The following MACIR variants were observed in gnomAD, a reference collection of about 807,000 sequenced individuals.
MACIR encodes UNC119-binding protein C5orf30.
Under a neutral mutation model 14.3 loss-of-function variants are expected in MACIR, and 4 were observed. The observed-to-expected ratio is 0.28, with a 90% CI of 0.14 to 0.64. The LOEUF (loss-of-function observed/expected upper bound fraction) is 0.64. MACIR is among the 30% of genes least tolerant of loss of function. MACIR has a pLI of 0.83. For synonymous variants in MACIR, 101 were observed against 102.4 expected, an observed-to-expected ratio of 0.99 and a Z score of 0.08; for missense variants, 228 against 257.6, an observed-to-expected ratio of 0.89 and a Z score of 0.79.
chr5:103,265,657 G>C (rs568999), intron 1 of MACIR, among the ~76,000 whole-genome samples: 44,811 of 151,952 alleles, frequency 0.29, 6,604 homozygotes, highest in Non-Finnish European at 0.32. Context: ...GCCCAGTTAG[G>C]TACTCCTAGT....
chr5:103,259,937 G>T (rs1554236064), intron 1 of MACIR: 1 of 152,342 alleles, frequency 6.6e-6, no homozygotes, highest in Non-Finnish European at 1.5e-5. Context: ...AGGGAATGAT[G>T]GCCCCGTCCT....
At chr5:103,266,864 A>AAAT (rs1554236768) in intron 2 of MACIR, among the ~76,000 whole-genome samples, 12 of 152,196 alleles carry the variant, frequency 7.9e-5, no homozygotes, top group Non-Finnish European at 1.5e-4. Context: ...TAATCTCATT[A>AAAT]AGTAGATAAA....
rs782593060 is a variant in MACIR at position 103,276,194 on chromosome 5, G to T, written c.275G>T (p.Arg92Leu). Residue 92 changes from arginine to leucine, a missense_variant, in exon 3 of 3, where the codon CGC becomes CTC. Transcript: ENST00000319933. Reference protein sequence around the residue: ...ESKAEAMPSLRSKQLDAGLAR... With the variant: ...ESKAEAMPSLLSKQLDAGLAR... ...AAAGCAGAAGCCATGCCATCCTTACGCTCCAAACAGCTAGATGCAGGACTT... is the reference window on the plus strand; with the variant it reads ...AAAGCAGAAGCCATGCCATCCTTACTCTCCAAACAGCTAGATGCAGGACTT... The T allele has an allele frequency of 1.5e-4, 234 of 1,613,482 alleles. No individual in the cohort carries two copies. The highest frequency in any genetic ancestry group is 1.9e-4 in the Non-Finnish European group (224 of 1,179,924).
chr5:103,271,159 TA>T (rs1360847210), intron 2 of MACIR, among the ~76,000 whole-genome samples: 1 of 152,146 alleles, frequency 6.6e-6, no homozygotes, highest in Non-Finnish European at 1.5e-5. Context: ...ATGAAGCAAT[TA>T]ATTTTTTGAG....
chr5:103,274,708 T>G (rs951338745), intron 2 of MACIR, among the ~76,000 whole-genome samples: 1 of 152,022 alleles, frequency 6.6e-6, no homozygotes. Context: ...ATACCCAAAC[T>G]TTAAGAAATA....
upstream of MACIR, among the ~76,000 whole-genome samples, chr5:103,258,464 G>A (rs1017853131): frequency 1.2e-4 from 19 of 152,196 alleles, no homozygotes; most frequent in Admixed American, 6.5e-4. Flanking sequence ...TTTAGTTGGA[G>A]TGCTGGGTTT....
chr5:103,259,517 C>G (rs1348955336), intron 1 of MACIR: 2 of 152,206 alleles, frequency 1.3e-5, no homozygotes, highest in Non-Finnish European at 2.9e-5. Context: ...TGGCTGCGTG[C>G]CCGGCCGCGC....
chr5:103,259,050 T>C (rs1414930602), intron 1 of MACIR, 154 bp downstream of exon 1: 2 of 152,280 alleles, frequency 1.3e-5, no homozygotes, highest in Non-Finnish European at 2.9e-5. Context: ...CCGCCTCGTG[T>C]CTGGGCCGGG....
In MACIR at chr5:103,276,719, G is replaced by A. The variant is rs79245829; in HGVS notation, c.*179G>A. On this transcript the variant is annotated 3_prime_UTR_variant, in exon 3 of 3. Coordinates refer to ENST00000319933, the MANE Select transcript of MACIR (RefSeq NM_033211.4). Reference sequence around the variant, plus strand: ...ACAGGAATGAAATCACAGGTACTTGGGGGGGGGATATCATTCTAGAGCACG... The same window carrying A: ...ACAGGAATGAAATCACAGGTACTTGAGGGGGGGATATCATTCTAGAGCACG... 5.9e-6 allele frequency: 3 copies of A among 506,480 alleles called. No homozygotes were observed. Among genetic ancestry groups the A allele is most frequent in the South Asian group, 4.7e-5 (1 of 21,496 alleles). 31.4% of individuals were successfully genotyped at this position (506,480 alleles called of 1,614,324 possible).
chr5:103,261,656 TTCTTTC>T (rs1356972845), intron 1 of MACIR, among the ~76,000 whole-genome samples: 2 of 110,084 alleles, frequency 1.8e-5, no homozygotes, highest in East Asian at 5.0e-4. Context: ...CTTTCTTTCT[TTCTTTC>T]TTTCTTTCTT....
In MACIR at chr5:103,277,859, T is replaced by C. The variant is rs984256167; in HGVS notation, c.*1319T>C. On this transcript the variant is annotated 3_prime_UTR_variant, in exon 3 of 3. Coordinates refer to ENST00000319933, the MANE Select transcript of MACIR (RefSeq NM_033211.4). Reference sequence around the variant, plus strand: ...TTTCTGGCAGCACAGAACTGCTTTTTATTTTGGGGTCTGTGAGTTTCTTAG... The same window carrying C: ...TTTCTGGCAGCACAGAACTGCTTTTCATTTTGGGGTCTGTGAGTTTCTTAG... The C allele has an allele frequency of 4.8e-5, 8 of 167,076 alleles. No individual in the cohort carries two copies. The highest frequency in any genetic ancestry group is 1.9e-4 in the African/African-American group (8 of 41,452). 10.3% of individuals were successfully genotyped at this position (167,076 alleles called of 1,614,324 possible).
rs191768971 is a variant in MACIR, at chr5:103,267,394, T to C, written c.-24+1397T>C. On this transcript the variant is annotated intron_variant, in intron 2 of 2. Transcript: ENST00000319933. ...ACAGTCTATACATATTCAGTGTAGA[T>C]GTAATTTTTTGCTTTTTCAAATATT... is the stretch of plus-strand genomic sequence containing the variant. 5.6e-4 allele frequency among the ~76,000 whole-genome samples: 86 copies of C among 152,236 alleles called. 1 individual carries two copies. The highest frequency in any genetic ancestry group is 1.1e-3 in the Non-Finnish European group (75 of 67,990).
intron 2 of MACIR, among the ~76,000 whole-genome samples, chr5:103,272,256 C>G (rs1805159814): frequency 6.6e-6 from 1 of 152,018 alleles, no homozygotes; most frequent in Non-Finnish European, 1.5e-5. Flanking sequence ...AGCTGAGTTT[C>G]CTGATGGATG....
chr5:103,270,513 TG>T (rs1445973869), intron 2 of MACIR, among the ~76,000 whole-genome samples: 2 of 152,220 alleles, frequency 1.3e-5, no homozygotes, highest in African/African-American at 4.8e-5. Context: ...ATGAATTATT[TG>T]GACTGGAGAG....
intron 2 of MACIR, among the ~76,000 whole-genome samples, chr5:103,271,949 GGAAT>G (rs1321545412): frequency 1.3e-5 from 2 of 152,120 alleles, no homozygotes; most frequent in Non-Finnish European, 2.9e-5. Flanking sequence ...TTAGTGCTCT[GGAAT>G]GAAGCAGTTG....
chr5:103,271,568 C>T (rs369576451), intron 2 of MACIR, among the ~76,000 whole-genome samples: 22 of 151,886 alleles, frequency 1.4e-4, no homozygotes, highest in African/African-American at 5.3e-4. Context: ...GTTGGATCCA[C>T]GTAAATTTCA....
At chr5:103,268,790 C>T (rs534453826) in intron 2 of MACIR, among the ~76,000 whole-genome samples, 1 of 151,798 alleles carries the variant, frequency 6.6e-6, no homozygotes, top group Non-Finnish European at 1.5e-5. Context: ...AGCCAGGGGG[C>T]CTGGGTTGTA....
At chr5:103,269,719 A>G (rs1805058262) in intron 2 of MACIR, among the ~76,000 whole-genome samples, 1 of 152,124 alleles carries the variant, frequency 6.6e-6, no homozygotes, top group African/African-American at 2.4e-5. Flanking sequence ...ATACAGGTCT[A>G]CTTTCTTGAC....
intron 2 of MACIR, among the ~76,000 whole-genome samples, chr5:103,269,375 TGAC>T (rs1457713974): frequency 5.9e-5 from 9 of 152,170 alleles, no homozygotes; most frequent in Non-Finnish European, 4.4e-5. Context: ...CTTAACATGA[TGAC>T]ATTTTTATTC....
Sources: gnomAD v4.1 joint callset for allele counts (sites outside exome capture counted in the v4.1 genomes callset) on GRCh38, gnomAD v4.1.1 for gene constraint, MANE v1.5 for transcripts, NCBI Gene and HGNC (gene_info 2026-07-23, HGNC 2026-07-21) for gene names.